The following PSMA1 variants were observed in gnomAD, a reference collection of about 807,000 sequenced individuals.
The protein encoded by PSMA1 is proteasome subunit alpha type-1.
PSMA1 carries 3 observed loss-of-function variants against 38.4 expected under a neutral mutation model. The observed-to-expected ratio is 0.08, with a 90% CI of 0.04 to 0.20. The LOEUF (loss-of-function observed/expected upper bound fraction) is 0.20. PSMA1 is among the 10% of genes least tolerant of loss of function. The probability of loss-of-function intolerance (pLI) is 1.00; values close to 1 mark genes in which losing one functional copy is unlikely to be tolerated. For missense variants in PSMA1, 227 were observed against 325.3 expected (o/e 0.70, Z 2.32); for synonymous variants, 101 against 107.1 (o/e 0.94, Z 0.35).
At chr11:14,565,861 G>A (rs1026207312) in intron 2 of PSMA1, among the ~76,000 whole-genome samples, 13 of 152,208 alleles carry the variant, frequency 8.5e-5, no homozygotes, top group African/African-American at 2.4e-4. Context: ...TTTACTGTAC[G>A]GCATTTATCC....
upstream of PSMA1, chr11:14,520,502 G>C (rs1006679403): frequency 4.2e-6 from 6 of 1,433,980 alleles, no homozygotes; most frequent in Admixed American, 1.3e-4. Context: ...GGCGGCGGGC[G>C]GAGCCTCGGA....
At chr11:14,614,395 C>T (rs372266760) in intron 1 of PSMA1, among the ~76,000 whole-genome samples, 19 of 151,222 alleles carry the variant, frequency 1.3e-4, no homozygotes, top group African/African-American at 4.4e-4. Context: ...TTCATATAAG[C>T]TGAAAAAAAA....
intron 2 of PSMA1, among the ~76,000 whole-genome samples, chr11:14,564,709 T>G (rs904570814): frequency 1.3e-5 from 2 of 152,206 alleles, no homozygotes; most frequent in African/African-American, 4.8e-5. Flanking sequence ...TGGGGGCTAT[T>G]TTTTATTTCA....
intron 2 of PSMA1, among the ~76,000 whole-genome samples, chr11:14,582,653 G>T (rs1852296025): frequency 6.6e-6 from 1 of 151,308 alleles, no homozygotes; most frequent in South Asian, 2.1e-4. Context: ...AAGTAGCTGG[G>T]ATTACAGGCA....
At chr11:14,594,343 G>C (rs1474053483) in intron 2 of PSMA1, among the ~76,000 whole-genome samples, 1 of 149,956 alleles carries the variant, frequency 6.7e-6, no homozygotes, top group East Asian at 2.0e-4. Flanking sequence ...CTACAACAGT[G>C]GGAAGTCCAA....
chr11:14,543,343 G>A (rs932384995), intron 2 of PSMA1, among the ~76,000 whole-genome samples: 6 of 152,164 alleles, frequency 3.9e-5, no homozygotes, highest in Non-Finnish European at 7.3e-5. Context: ...TAAGAAAACA[G>A]GAGTAAATCT....
intron 1 of PSMA1, among the ~76,000 whole-genome samples, chr11:14,635,683 A>G (rs1448166661): frequency 1.3e-5 from 2 of 152,212 alleles, no homozygotes; most frequent in African/African-American, 4.8e-5. Context: ...TGATCTTACC[A>G]TCGGAATCTT....
intron 2 of PSMA1, among the ~76,000 whole-genome samples, chr11:14,592,414 CTCG>C (rs1220378914): frequency 2.0e-5 from 3 of 149,408 alleles, no homozygotes; most frequent in Admixed American, 6.7e-5. Context: ...TAGATGGAGT[CTCG>C]CTTTGCTCCC....
In PSMA1 at chr11:14,504,989, T is replaced by C. The variant is rs547027164; in HGVS notation, c.*203A>G. 37 of 556,006 alleles carry C rather than the reference T, an allele frequency of 6.7e-5. 1 individual carries two copies. The South Asian group carries it at 7.3e-4, about 11-fold the overall frequency. The allele number at this position is 556,006 out of a possible 1,614,324, so 34.4% of individuals were successfully genotyped here. ...ACCCATACTTTCTAGAAAATGATTA[T>C]ACAGACCCTTTCAAAGAAAAATGTA... On this transcript the variant is annotated 3_prime_UTR_variant, in exon 10 of 10. Transcript: ENST00000396394.
At chr11:14,575,076 C>T (rs373254289) in intron 2 of PSMA1, among the ~76,000 whole-genome samples, 1 of 152,058 alleles carries the variant, frequency 6.6e-6, no homozygotes, top group Non-Finnish European at 1.5e-5. Flanking sequence ...TCCCAGGCTG[C>T]GGTGATCTCA....
chr11:14,627,989 T>C (rs1852936597), intron 1 of PSMA1, among the ~76,000 whole-genome samples: 1 of 152,130 alleles, frequency 6.6e-6, no homozygotes, highest in Non-Finnish European at 1.5e-5. Flanking sequence ...GGAACCAGGC[T>C]GCACAACAGG....
rs545938580 is a variant in PSMA1 at position 14,516,039 on chromosome 11, G to C, written c.255-1548C>G. On this transcript the variant is annotated intron_variant, in intron 4 of 9. Transcript: ENST00000396394. ...AGCCTGGCCAATATGGTGAAACCTCGTCTCTACTAAAAATGCAAAAATTAG... is the reference window on the plus strand; with the variant it reads ...AGCCTGGCCAATATGGTGAAACCTCCTCTCTACTAAAAATGCAAAAATTAG... Among the ~76,000 whole-genome samples, 6 of 151,580 alleles carry C rather than the reference G, an allele frequency of 4.0e-5. 1 individual carries two copies. The highest frequency in any genetic ancestry group is 3.9e-4 in the Admixed American group (6 of 15,250).
chr11:14,613,302 A>T (rs1164556771), intron 1 of PSMA1, among the ~76,000 whole-genome samples: 7 of 134,344 alleles, frequency 5.2e-5, no homozygotes, highest in African/African-American at 1.8e-4. Flanking sequence ...CCCAGGCTGG[A>T]CTGCAGTGGC....
chr11:14,639,363 T>A lies in PSMA1; in HGVS notation c.-166+4092A>T, dbSNP rs1404369546. The stretch of plus-strand genomic sequence containing the variant: ...TTTCTATTATATTCTATTTTAAGAG[T>A]TTTCTATTAAAATTCATTGACTAAT... On this transcript the variant is annotated intron_variant, in intron 1 of 10. Transcript: ENST00000418988. Among the ~76,000 whole-genome samples the A allele has an allele frequency of 5.3e-5, 8 of 152,230 alleles. No individual in the cohort carries two copies. In the East Asian group the frequency reaches 1.3e-3, roughly 26 times the overall value.
intron 2 of PSMA1, among the ~76,000 whole-genome samples, chr11:14,530,533 G>A (rs569439489): frequency 6.6e-6 from 1 of 152,256 alleles, no homozygotes; most frequent in African/African-American, 2.4e-5. Flanking sequence ...AGGAGCCGCT[G>A]GAGGATAATG....
chr11:14,570,583 C>T (rs538673027), intron 2 of PSMA1, among the ~76,000 whole-genome samples: 12 of 152,120 alleles, frequency 7.9e-5, no homozygotes, highest in South Asian at 2.1e-4. Context: ...CTTCAGTAGC[C>T]GATTTGATCA....
chr11:14,629,826 T>C (rs1479936862), intron 1 of PSMA1, among the ~76,000 whole-genome samples: 1 of 152,072 alleles, frequency 6.6e-6, no homozygotes, highest in African/African-American at 2.4e-5. Context: ...CATTTGTTTG[T>C]ATCCTCTTTT....
intron 2 of PSMA1, among the ~76,000 whole-genome samples, chr11:14,596,872 G>A (rs1432123251): frequency 6.6e-6 from 1 of 152,172 alleles, no homozygotes; most frequent in Non-Finnish European, 1.5e-5. Flanking sequence ...TATGATATTG[G>A]TTATGGGTTT....
At chr11:14,634,970 G>T (rs1167157869) in intron 1 of PSMA1, among the ~76,000 whole-genome samples, 2 of 152,178 alleles carry the variant, frequency 1.3e-5, no homozygotes, top group African/African-American at 2.4e-5. Context: ...ACCATTTTTA[G>T]TAAAGATTTA....
Sources: gnomAD v4.1 joint callset for allele counts (sites outside exome capture counted in the v4.1 genomes callset) on GRCh38, gnomAD v4.1.1 for gene constraint, MANE v1.5 for transcripts, NCBI Gene and HGNC (gene_info 2026-07-23, HGNC 2026-07-21) for gene names.